CAMKMT: variants seen among roughly 807,000 people sequenced by gnomAD.
The protein encoded by CAMKMT is CaM KMT.
A neutral mutation model predicts 48.0 loss-of-function variants in CAMKMT; 53 were observed. The ratio of observed to expected loss-of-function variants is 1.10; its 90% CI spans 0.89 to 1.39. The LOEUF (loss-of-function observed/expected upper bound fraction) is 1.39, where lower values mean the gene tolerates loss of function less well. CAMKMT is among the 40% of genes most tolerant of loss of function. The pLI is 0.00. For synonymous variants in CAMKMT, 165 were observed against 152.3 expected (o/e 1.08, Z -0.61); for missense variants, 428 against 402.7 (o/e 1.06, Z -0.54).
intron 3 of CAMKMT, among the ~76,000 whole-genome samples, chr2:44,447,627 C>T (rs1219241789): frequency 6.6e-6 from 1 of 152,220 alleles, no homozygotes; most frequent in Non-Finnish European, 1.5e-5. Flanking sequence ...ACTTCTTGAA[C>T]ACTTGTAGTG....
At chr2:44,581,159 A>G (rs1669535878) in intron 3 of CAMKMT, among the ~76,000 whole-genome samples, 2 of 152,258 alleles carry the variant, frequency 1.3e-5, no homozygotes, top group South Asian at 4.1e-4. Context: ...AAAAGGAGAA[A>G]TTTTCAAAGA....
intron 7 of CAMKMT, among the ~76,000 whole-genome samples, chr2:44,733,622 A>G (rs1043121550): frequency 6.6e-6 from 1 of 152,144 alleles, no homozygotes; most frequent in Non-Finnish European, 1.5e-5. Flanking sequence ...TTCTATTTTT[A>G]GGTTGCTGAA....
intron 2 of CAMKMT, among the ~76,000 whole-genome samples, chr2:44,374,966 C>G (rs1321126958): frequency 6.6e-6 from 1 of 152,016 alleles, no homozygotes; most frequent in Non-Finnish European, 1.5e-5. Context: ...CCTGTCTCTA[C>G]AAAAAATTTT....
chr2:44,617,115 T>A (rs183544222), intron 3 of CAMKMT, among the ~76,000 whole-genome samples: 323 of 152,234 alleles, frequency 2.1e-3, no homozygotes, highest in Middle Eastern at 6.8e-3. Context: ...TTGTGAAAAA[T>A]ACCCACACAA....
chr2:44,632,565 C>G, intron 3 of CAMKMT, among the ~76,000 whole-genome samples: 1 of 152,094 alleles, frequency 6.6e-6, no homozygotes, highest in East Asian at 1.9e-4. Context: ...TCCTACATAT[C>G]TAACAAAAAT....
At chr2:44,411,972 C>T (rs1440481299) in intron 3 of CAMKMT, among the ~76,000 whole-genome samples, 2 of 129,062 alleles carry the variant, frequency 1.5e-5, no homozygotes, top group Non-Finnish European at 3.1e-5. Flanking sequence ...CATGAACATT[C>T]TCTTCAATTT....
chr2:44,395,160 G>A (rs1314917770), intron 3 of CAMKMT: 3 of 338,684 alleles, frequency 8.9e-6, no homozygotes, highest in Non-Finnish European at 1.8e-5. Flanking sequence ...TATAAAGTTA[G>A]GGTTTGGAAT....
intron 3 of CAMKMT, chr2:44,456,417 A>G: frequency 7.2e-6 from 6 of 830,686 alleles, no homozygotes; most frequent in Middle Eastern, 3.4e-4. Context: ...AAGAATATTT[A>G]GGTCTTTTAG....
At chr2:44,562,698 T>C (rs1488950100) in intron 3 of CAMKMT, among the ~76,000 whole-genome samples, 3 of 152,136 alleles carry the variant, frequency 2.0e-5, no homozygotes, top group African/African-American at 7.2e-5. Flanking sequence ...GTAGCTAGGA[T>C]TACAGATGCC....
chr2:44,616,041 C>G (rs942211487), intron 3 of CAMKMT, among the ~76,000 whole-genome samples: 4 of 152,186 alleles, frequency 2.6e-5, no homozygotes, highest in Non-Finnish European at 4.4e-5. Context: ...ACTTCAAAAA[C>G]CCAGAGGTCA....
chr2:44,631,740 C>A, intron 3 of CAMKMT: 1 of 379,100 alleles, frequency 2.6e-6, no homozygotes, highest in Non-Finnish European at 4.7e-6. Context: ...TACTATCTTG[C>A]TATTTGTTTT....
chr2:44,652,241 T>C (rs949942981), intron 3 of CAMKMT, among the ~76,000 whole-genome samples: 6 of 152,228 alleles, frequency 3.9e-5, no homozygotes, highest in African/African-American at 1.2e-4. Context: ...AGGTGATCAA[T>C]GTAGTTGATA....
chr2:44,723,060 A>C (rs1678560262), intron 7 of CAMKMT, among the ~76,000 whole-genome samples: 1 of 152,178 alleles, frequency 6.6e-6, no homozygotes, highest in Admixed American at 6.5e-5. Context: ...AGTCCAGAAA[A>C]ATGTAAGTGA....
At chr2:44,627,872 G>T (rs1018246031) in intron 3 of CAMKMT, among the ~76,000 whole-genome samples, 13 of 151,530 alleles carry the variant, frequency 8.6e-5, no homozygotes, top group Admixed American at 6.6e-4. Context: ...GCTAATTTTT[G>T]TATTTTTAGT....
intron 3 of CAMKMT, among the ~76,000 whole-genome samples, chr2:44,523,193 C>G (rs1041013599): frequency 1.3e-5 from 2 of 151,808 alleles, no homozygotes; most frequent in Non-Finnish European, 2.9e-5. Flanking sequence ...TAACTTTGCT[C>G]ATAGATTCTG....
At chr2:44,472,634 C>T (rs1572596748) in intron 3 of CAMKMT, among the ~76,000 whole-genome samples, 1 of 152,060 alleles carries the variant, frequency 6.6e-6, no homozygotes, top group African/African-American at 2.4e-5. Flanking sequence ...AAAAGTAAGA[C>T]TTGGTGCCTG....
intron 3 of CAMKMT, among the ~76,000 whole-genome samples, chr2:44,623,561 A>G (rs1236166124): frequency 6.6e-6 from 1 of 152,208 alleles, no homozygotes; most frequent in African/African-American, 2.4e-5. Context: ...CTGTTACCCC[A>G]GCACCATTTA....
chr2:44,362,171 CT>C, intron 1 of CAMKMT, 26 bp downstream of exon 1: 1 of 1,448,114 alleles, frequency 6.9e-7, no homozygotes. Flanking sequence ...CTCGCCTCAC[CT>C]TTGCCTCTGG....
chr2:44,556,118 A>AT (rs919052952), intron 3 of CAMKMT, among the ~76,000 whole-genome samples: 5 of 151,706 alleles, frequency 3.3e-5, no homozygotes, highest in South Asian at 4.2e-4. Flanking sequence ...AATACCTACA[A>AT]TTTTTTTTAT....
Sources: allele counts gnomAD v4.1 joint callset (sites outside exome capture counted in the v4.1 genomes callset), GRCh38; gene constraint gnomAD v4.1.1; transcripts MANE v1.5; gene names NCBI Gene and HGNC (gene_info 2026-07-23, HGNC 2026-07-21).